Variants in WWOX observed in about 807,000 individuals in gnomAD.
WWOX encodes WW domain-containing oxidoreductase.
In WWOX, 69 loss-of-function variants were observed where a neutral mutation model predicts 46.2. The observed-to-expected ratio is 1.49, with a 90% confidence interval of 1.23 to 1.82. The LOEUF is 1.82. WWOX is among the 40% of genes most tolerant of loss of function. The pLI is 0.00. For missense variants in WWOX, 919 were observed against 542.6 expected, an observed-to-expected ratio of 1.69 and a Z score of -6.89; for synonymous variants, 359 against 202.6, an observed-to-expected ratio of 1.77 and a Z score of -6.56.
chr16:78,831,708 A>C (rs922122698), intron 8 of WWOX, among the ~76,000 whole-genome samples: 1 of 152,212 alleles, frequency 6.6e-6, no homozygotes. Context: ...GTAAAGCACA[A>C]AGCATAATCC....
intron 8 of WWOX, among the ~76,000 whole-genome samples, chr16:78,882,613 GAGTAGC>G (rs2044367139): frequency 8.2e-6 from 1 of 122,362 alleles, no homozygotes; most frequent in Non-Finnish European, 1.7e-5. Flanking sequence ...GTAGCCTCCC[GAGTAGC>G]TGGGATTACA....
At chr16:79,060,746 G>C (rs9972806) in intron 8 of WWOX, among the ~76,000 whole-genome samples, 513 of 152,332 alleles carry the variant, frequency 3.4e-3, no homozygotes, top group Non-Finnish European at 5.2e-3. Flanking sequence ...AATAGCTTTA[G>C]TCCATATTCT....
At chr16:79,024,260 A>C (rs2047592745) in intron 8 of WWOX, among the ~76,000 whole-genome samples, 1 of 152,036 alleles carries the variant, frequency 6.6e-6, no homozygotes, top group Non-Finnish European at 1.5e-5. Flanking sequence ...TTTATGTCTT[A>C]TTTATTTATT....
intron 4 of WWOX, among the ~76,000 whole-genome samples, chr16:78,119,463 A>T (rs2032981422): frequency 6.6e-6 from 1 of 152,124 alleles, no homozygotes; most frequent in Non-Finnish European, 1.5e-5. Context: ...GATCCTTCTA[A>T]TGAGGGATTA....
At chr16:78,830,821 T>A (rs965333503) in intron 8 of WWOX, among the ~76,000 whole-genome samples, 2 of 151,948 alleles carry the variant, frequency 1.3e-5, no homozygotes, top group Non-Finnish European at 2.9e-5. Flanking sequence ...CCACTGTAAA[T>A]GACTATTTCT....
At chr16:78,545,837 C>T (rs189223219) in intron 8 of WWOX, among the ~76,000 whole-genome samples, 29 of 152,290 alleles carry the variant, frequency 1.9e-4, no homozygotes, top group African/African-American at 6.7e-4. Flanking sequence ...ACGTGGCCTT[C>T]CGTCTGTTTC....
chr16:79,012,853 G>T (rs957431694), intron 8 of WWOX, among the ~76,000 whole-genome samples: 2 of 152,174 alleles, frequency 1.3e-5, no homozygotes, highest in South Asian at 4.1e-4. Context: ...TGGCAGACTG[G>T]GCTGCTGTTT....
chr16:78,594,643 T>G (rs933083624), intron 8 of WWOX, among the ~76,000 whole-genome samples: 28 of 152,252 alleles, frequency 1.8e-4, no homozygotes, highest in African/African-American at 6.5e-4. Context: ...CCCAGTGCAG[T>G]GGCTCTGTAT....
At chr16:78,235,551 G>A (rs1478890450) in intron 5 of WWOX, among the ~76,000 whole-genome samples, 1 of 152,320 alleles carries the variant, frequency 6.6e-6, no homozygotes, top group East Asian at 1.9e-4. Flanking sequence ...CTAGCTCTCT[G>A]TCTGCATCTT....
chr16:79,136,374 G>A (rs1278958255), intron 8 of WWOX, among the ~76,000 whole-genome samples: 2 of 152,082 alleles, frequency 1.3e-5, no homozygotes, highest in African/African-American at 4.8e-5. Context: ...GGGATTACAG[G>A]CATGCACCAT....
chr16:78,616,047 GC>G (rs1221476572), intron 8 of WWOX, among the ~76,000 whole-genome samples: 1 of 152,068 alleles, frequency 6.6e-6, no homozygotes, highest in African/African-American at 2.4e-5. Flanking sequence ...ACTGTGCCTG[GC>G]CAGGATAATC....
intron 8 of WWOX, among the ~76,000 whole-genome samples, chr16:78,978,983 G>A (rs1172476089): frequency 1.3e-5 from 2 of 152,070 alleles, no homozygotes; most frequent in Non-Finnish European, 2.9e-5. Flanking sequence ...CTTGAAGCAG[G>A]TGCAATCATT....
chr16:78,861,232 G>C (rs150751201), intron 8 of WWOX, among the ~76,000 whole-genome samples: 66 of 152,202 alleles, frequency 4.3e-4, no homozygotes, highest in Middle Eastern at 3.4e-3. Flanking sequence ...AAAAGACTGA[G>C]TAAGAAAGAA....
At chr16:78,832,945 T>C (rs895568389) in intron 8 of WWOX, among the ~76,000 whole-genome samples, 1 of 152,174 alleles carries the variant, frequency 6.6e-6, no homozygotes, top group Non-Finnish European at 1.5e-5. Context: ...ATTTCTGCCA[T>C]TTGGACAATG....
intron 8 of WWOX, among the ~76,000 whole-genome samples, chr16:78,743,403 G>C (rs2049276823): frequency 6.6e-6 from 1 of 152,108 alleles, no homozygotes; most frequent in African/African-American, 2.4e-5. Flanking sequence ...GCTGTATTTT[G>C]TACTGTGTCC....
chr16:78,932,786 G>A (rs1222025850), intron 8 of WWOX, among the ~76,000 whole-genome samples: 3 of 152,306 alleles, frequency 2.0e-5, no homozygotes, highest in Admixed American at 6.5e-5. Context: ...GATGACTCAG[G>A]CTGGTCCCAA....
intron 8 of WWOX, among the ~76,000 whole-genome samples, chr16:78,548,661 C>T (rs1389070235): frequency 6.6e-6 from 1 of 152,176 alleles, no homozygotes; most frequent in African/African-American, 2.4e-5. Flanking sequence ...TTCCATCCGC[C>T]TGCCACAGAA....
intron 8 of WWOX, among the ~76,000 whole-genome samples, chr16:79,185,608 C>T (rs1259620192): frequency 2.6e-5 from 4 of 152,156 alleles, no homozygotes; most frequent in Non-Finnish European, 5.9e-5. Flanking sequence ...CTGTCTTTCA[C>T]GGCTTGGGTT....
At chr16:78,469,050 G>T (rs1439903168) in intron 8 of WWOX, among the ~76,000 whole-genome samples, 1 of 152,162 alleles carries the variant, frequency 6.6e-6, no homozygotes, top group South Asian at 2.1e-4. Context: ...TGATTTTGTT[G>T]TAACACCTGT....
Sources: gnomAD v4.1 joint callset for allele counts (sites outside exome capture counted in the v4.1 genomes callset) on GRCh38, gnomAD v4.1.1 for gene constraint, MANE v1.5 for transcripts, NCBI Gene and HGNC (gene_info 2026-07-23, HGNC 2026-07-21) for gene names.